STK3: variants seen among roughly 807,000 people sequenced by gnomAD.
STK3 encodes the protein serine/threonine kinase 3.
A neutral mutation model predicts 58.0 loss-of-function variants in STK3; 41 were observed. The observed-to-expected ratio is 0.71, with a 90% CI of 0.55 to 0.92. The LOEUF is 0.92. STK3 is among the 40% of genes least tolerant of loss of function. The pLI is 0.00. For missense variants in STK3, 479 were observed against 602.7 expected, an observed-to-expected ratio of 0.79 and a Z score of 2.15; for synonymous variants, 170 against 191.0, an observed-to-expected ratio of 0.89 and a Z score of 0.91.
chr8:98,468,834 G>T (rs1445823818), intron 10 of STK3, among the ~76,000 whole-genome samples: 1 of 152,204 alleles, frequency 6.6e-6, no homozygotes, highest in East Asian at 1.9e-4. Context: ...ATGAGAGCCG[G>T]GCATGGTGGC....
chr8:98,464,520 T>C (rs932167753), intron 10 of STK3, among the ~76,000 whole-genome samples: 36 of 64,704 alleles, frequency 5.6e-4, no homozygotes, highest in African/African-American at 9.4e-4. Context: ...GCCACAGGGA[T>C]AACAGGTAGT....
intron 4 of STK3, chr8:98,722,806 G>T (rs755579625): frequency 2.4e-6 from 1 of 411,808 alleles, no homozygotes; most frequent in Non-Finnish European, 4.7e-6. Flanking sequence ...ATTTCAAAAT[G>T]GTCAGATTTA....
intron 1 of STK3, among the ~76,000 whole-genome samples, chr8:98,939,590 G>A (rs1416100963): frequency 2.0e-5 from 3 of 152,230 alleles, no homozygotes; most frequent in African/African-American, 7.2e-5. Flanking sequence ...GGAGACGGGA[G>A]GGTAGCGCTG....
chr8:98,402,605 G>C (rs947947668), intron 3 of STK3, among the ~76,000 whole-genome samples: 4 of 152,186 alleles, frequency 2.6e-5, no homozygotes, highest in Admixed American at 1.3e-4. Context: ...TGGGAGTCTG[G>C]GGTGGTCTCC....
intron 10 of STK3, among the ~76,000 whole-genome samples, chr8:98,487,276 A>C (rs991914933): frequency 7.9e-5 from 12 of 152,190 alleles, no homozygotes; most frequent in African/African-American, 2.4e-4. Context: ...CTGGGAGGAT[A>C]AGGATTTGGC....
intron 7 of STK3, among the ~76,000 whole-genome samples, chr8:98,583,475 G>T (rs1374581376): frequency 8.8e-5 from 11 of 124,712 alleles, no homozygotes; most frequent in South Asian, 2.8e-4. Flanking sequence ...TCTGAAGATT[G>T]AAAGTTAACA....
At chr8:98,432,359 A>C (rs1818347455) in intron 3 of STK3, 1 of 167,070 alleles carries the variant, frequency 6.0e-6, no homozygotes, top group Non-Finnish European at 1.5e-5. Context: ...CAGTGGGCCA[A>C]ATATATGGGC....
chr8:98,413,448 T>A (rs1818077916), intron 3 of STK3: 2 of 581,314 alleles, frequency 3.4e-6, no homozygotes, highest in Non-Finnish European at 6.8e-6. Context: ...CAGAGTCTTG[T>A]GTACTGTTCT....
chr8:98,940,248 G>A (rs747721918), intron 1 of STK3, among the ~76,000 whole-genome samples: 1 of 152,204 alleles, frequency 6.6e-6, no homozygotes. Context: ...CACGCTCCAG[G>A]GTCGCGGAGG....
At chr8:98,427,385 C>T (rs1818251731) in intron 3 of STK3, 1 of 152,084 alleles carries the variant, frequency 6.6e-6, no homozygotes, top group Admixed American at 6.5e-5. Context: ...GGGTGAGGCG[C>T]AGCGCACGCG....
chr8:98,493,791 T>C (rs1020536309), intron 10 of STK3, among the ~76,000 whole-genome samples: 3 of 152,194 alleles, frequency 2.0e-5, no homozygotes, highest in African/African-American at 7.2e-5. Context: ...ATAACCAAAA[T>C]GAATTCATCA....
intron 10 of STK3, among the ~76,000 whole-genome samples, chr8:98,486,574 C>A (rs1822282779): frequency 1.3e-5 from 2 of 152,148 alleles, no homozygotes; most frequent in African/African-American, 2.4e-5. Context: ...AATTATAGTA[C>A]ACAACCCCCT....
chr8:98,938,730 A>C (rs1424889739), intron 1 of STK3, among the ~76,000 whole-genome samples: 1 of 152,122 alleles, frequency 6.6e-6, no homozygotes, highest in Non-Finnish European at 1.5e-5. Context: ...CCCCAGTGTC[A>C]TGCACTCTGA....
At chr8:98,352,588 A>C in the STK3 span, among the ~76,000 whole-genome samples, 1 of 152,210 alleles carries the variant, frequency 6.6e-6, no homozygotes, top group Non-Finnish European at 1.5e-5. Context: ...CATTCACAAC[A>C]GAACAAGAAA....
At chr8:98,420,210 C>G (rs1818154005) in intron 3 of STK3, among the ~76,000 whole-genome samples, 1 of 152,136 alleles carries the variant, frequency 6.6e-6, no homozygotes, top group Non-Finnish European at 1.5e-5. Context: ...CCATCCAGGA[C>G]AGCAATCCTC....
intron 3 of STK3, among the ~76,000 whole-genome samples, chr8:98,851,178 G>A (rs1341250675): frequency 1.3e-5 from 2 of 152,126 alleles, no homozygotes; most frequent in African/African-American, 2.4e-5. Context: ...CATCAGCACT[G>A]ACTTAAGTAT....
At chr8:98,917,596 G>A (rs1839391101) in intron 1 of STK3, among the ~76,000 whole-genome samples, 3 of 152,132 alleles carry the variant, frequency 2.0e-5, no homozygotes, top group African/African-American at 4.8e-5. Flanking sequence ...ACATGGGAAG[G>A]ACCAGAAAGA....
At chr8:98,366,823 T>C (rs1291223879), downstream of STK3, among the ~76,000 whole-genome samples, 1 of 152,140 alleles carries the variant, frequency 6.6e-6, no homozygotes, top group Non-Finnish European at 1.5e-5. Context: ...CACACACGTC[T>C]ACTAGACCTA....
intron 1 of STK3, among the ~76,000 whole-genome samples, chr8:98,915,566 T>C (rs1292694429): frequency 2.0e-5 from 3 of 150,954 alleles, no homozygotes; most frequent in African/African-American, 7.3e-5. Context: ...CACAAAAGTT[T>C]TTATTTGGAT....
Sources: gnomAD v4.1 joint callset for allele counts (sites outside exome capture counted in the v4.1 genomes callset) on GRCh38, gnomAD v4.1.1 for gene constraint, MANE v1.5 for transcripts, NCBI Gene and HGNC (gene_info 2026-07-23, HGNC 2026-07-21) for gene names.